TMEM233: variants seen among roughly 807,000 people sequenced by gnomAD.
TMEM233 encodes dispanin subfamily B member 2.
In TMEM233, 6 loss-of-function variants were observed where a neutral mutation model predicts 11.2. The observed-to-expected ratio is 0.54, with a 90% CI of 0.29 to 1.06. The LOEUF (loss-of-function observed/expected upper bound fraction) is 1.06. Among genes scored for constraint, TMEM233 ranks in the 50% least tolerant of loss-of-function variants. The probability of loss-of-function intolerance (pLI) is 0.08; values close to 1 mark genes in which losing one functional copy is unlikely to be tolerated. For synonymous variants in TMEM233, 59 were observed against 55.8 expected (o/e 1.06, Z -0.26); for missense variants, 127 against 144.7 (o/e 0.88, Z 0.63).
intron 1 of TMEM233, among the ~76,000 whole-genome samples, chr12:119,613,305 T>C (rs1373082685): frequency 6.6e-6 from 1 of 151,960 alleles, no homozygotes; most frequent in Non-Finnish European, 1.5e-5. Context: ...ATTAAGGGAA[T>C]GCTAGGTGTC....
intron 2 of TMEM233, among the ~76,000 whole-genome samples, chr12:119,636,761 T>A (rs1954975675): frequency 6.6e-6 from 1 of 152,218 alleles, no homozygotes; most frequent in Non-Finnish European, 1.5e-5. Flanking sequence ...AAATATGACA[T>A]TCCCGGATGA....
chr12:119,612,676 G>A (rs571259567), intron 1 of TMEM233, among the ~76,000 whole-genome samples: 12 of 150,600 alleles, frequency 8.0e-5, no homozygotes, highest in African/African-American at 1.7e-4. Context: ...GGCATGAACC[G>A]GGAGGCGGAG....
chr12:119,624,945 A>AT (rs200000466), intron 1 of TMEM233, among the ~76,000 whole-genome samples: 441 of 150,052 alleles, frequency 2.9e-3, no homozygotes, highest in South Asian at 4.6e-3. Context: ...GGTTCTCTGT[A>AT]TTTTTTTTTT....
chr12:119,611,735 T>C (rs557570210), intron 1 of TMEM233, among the ~76,000 whole-genome samples: 1 of 152,252 alleles, frequency 6.6e-6, no homozygotes, highest in African/African-American at 2.4e-5. Flanking sequence ...ATCTTCTCCT[T>C]TGGCTCCCAA....
intron 1 of TMEM233, among the ~76,000 whole-genome samples, chr12:119,609,884 A>C (rs890555351): frequency 3.3e-5 from 5 of 152,222 alleles, no homozygotes; most frequent in Non-Finnish European, 5.9e-5. Context: ...AGAGCCCCCC[A>C]CAGAGTCCCC....
In TMEM233 at chr12:119,595,599, G is replaced by A. The variant is rs556716980; in HGVS notation, c.186+1565G>A. Among the ~76,000 whole-genome samples, 9 of 152,304 alleles carry A rather than the reference G, an allele frequency of 5.9e-5. No homozygotes were observed. The highest frequency in any genetic ancestry group is 5.9e-4 in the Admixed American group (9 of 15,302). On this transcript the variant is annotated intron_variant, in intron 1 of 2. Coordinates refer to ENST00000426426, the MANE Select transcript of TMEM233 (RefSeq NM_001136534.3). This position sits in a 1 kb window ranked among gnomAD's most constrained non-coding sequence, Gnocchi z 4.3. Reference sequence around the variant, plus strand: ...TGCATCTCTGAACCTCAGTCTCTTTGTAAAACCAGAATAATCATAGCCATG... The same window carrying A: ...TGCATCTCTGAACCTCAGTCTCTTTATAAAACCAGAATAATCATAGCCATG...
At chr12:119,649,461 T>C in the TMEM233 span, among the ~76,000 whole-genome samples, 7 of 152,160 alleles carry the variant, frequency 4.6e-5, no homozygotes, top group Non-Finnish European at 8.8e-5. Flanking sequence ...TTGACAAATA[T>C]CGTATTTCTT....
At chr12:119,614,157 G>A (rs879114474) in intron 1 of TMEM233, among the ~76,000 whole-genome samples, 2 of 151,990 alleles carry the variant, frequency 1.3e-5, no homozygotes, top group Admixed American at 1.3e-4. Flanking sequence ...TCCCAGCAGG[G>A]AGTACTTTGG....
At chr12:119,637,581 A>G (rs933953599) in intron 2 of TMEM233, among the ~76,000 whole-genome samples, 1 of 152,120 alleles carries the variant, frequency 6.6e-6, no homozygotes, top group Non-Finnish European at 1.5e-5. Flanking sequence ...TCTTTTCTAT[A>G]TTTTTGGCTG....
Position 119,640,856 on chromosome 12 carries a change from GAAAAAAA to G in TMEM233, c.*162_*168del, listed in dbSNP as rs56347532. ...AGGCAGGTCCCTGGCAAATGAACAA[GAAAAAAA>G]AAAAAAAAAAGTCCAAAATTTAGGC... is the stretch of plus-strand genomic sequence containing the variant. On this transcript the variant is annotated 3_prime_UTR_variant, in exon 3 of 3. Coordinates refer to ENST00000426426, the MANE Select transcript of TMEM233 (RefSeq NM_001136534.3). 1 of 392,886 alleles carries G rather than the reference GAAAAAAA, an allele frequency of 2.5e-6. No homozygotes were observed. The highest frequency in any genetic ancestry group is 6.2e-5 in the Admixed American group (1 of 16,118). 24.3% of individuals were successfully genotyped at this position (392,886 alleles called of 1,614,324 possible).
In TMEM233 at chr12:119,625,432, C is replaced by T. The variant is rs1485138327; in HGVS notation, c.187-4304C>T. 2.7e-5 allele frequency among the ~76,000 whole-genome samples: 4 copies of T among 149,722 alleles called. No homozygotes were observed. The Admixed American group carries it at 2.7e-4, about 10-fold the overall frequency. On this transcript the variant is annotated intron_variant, in intron 1 of 2. Coordinates refer to ENST00000426426, the MANE Select transcript of TMEM233 (RefSeq NM_001136534.3). ...TCATCCAGGCTGGAGTGCAGTGGCA[C>T]GATCATAGCTCACTGCAGCCTCAAA... is the stretch of plus-strand genomic sequence containing the variant.
In TMEM233 at chr12:119,594,845, C is replaced by T. The variant is rs1409253038; in HGVS notation, c.186+811C>T. Among the ~76,000 whole-genome samples the T allele has an allele frequency of 2.6e-5, 4 of 152,138 alleles. No individual in the cohort carries two copies. The highest frequency in any genetic ancestry group is 6.5e-5 in the Admixed American group (1 of 15,284). On this transcript the variant is annotated intron_variant, in intron 1 of 2. Coordinates refer to ENST00000426426, the MANE Select transcript of TMEM233 (RefSeq NM_001136534.3). The surrounding 1 kb of genome is among the most constrained non-coding windows in gnomAD (Gnocchi z 5.6). Reference sequence around the variant, plus strand: ...CCTCTCTTACTCTTTCTACCCAGCGCGTCGTAGTTCCTCCCCGTTTGCTGC... The same window carrying T: ...CCTCTCTTACTCTTTCTACCCAGCGTGTCGTAGTTCCTCCCCGTTTGCTGC...
downstream of TMEM233, among the ~76,000 whole-genome samples, chr12:119,647,776 C>G (rs1374173990): frequency 6.8e-6 from 1 of 147,278 alleles, no homozygotes. Context: ...CTCCCTTTGC[C>G]CCCCACCCCC....
intron 1 of TMEM233, among the ~76,000 whole-genome samples, chr12:119,606,748 A>T (rs1189255683): frequency 6.6e-6 from 1 of 152,250 alleles, no homozygotes. Flanking sequence ...TCATGACATA[A>T]ATTATAAAAT....
At chr12:119,627,219 G>A (rs2136763821) in intron 1 of TMEM233, among the ~76,000 whole-genome samples, 1 of 152,342 alleles carries the variant, frequency 6.6e-6, no homozygotes, top group South Asian at 2.1e-4. Context: ...TGCAGGAGTG[G>A]GCGAACTTCT....
chr12:119,653,198 C>A, the TMEM233 span, among the ~76,000 whole-genome samples: 1 of 151,934 alleles, frequency 6.6e-6, no homozygotes, highest in Non-Finnish European at 1.5e-5. Context: ...TGGAGACCAT[C>A]TGGCTAACAC....
chr12:119,647,024 A>G (rs1955161855), downstream of TMEM233, among the ~76,000 whole-genome samples: 2 of 152,122 alleles, frequency 1.3e-5, no homozygotes, highest in South Asian at 4.1e-4. Flanking sequence ...AACCCAACCC[A>G]CACACCCAGT....
chr12:119,594,072 G>A lies in TMEM233; in HGVS notation c.186+38G>A. 1 of 1,545,194 alleles carries A rather than the reference G, an allele frequency of 6.5e-7. No homozygotes were observed. The highest frequency in any genetic ancestry group is 8.7e-7 in the Non-Finnish European group (1 of 1,143,164). On this transcript the variant is annotated intron_variant, in intron 1 of 2. Coordinates refer to ENST00000426426, the MANE Select transcript of TMEM233 (RefSeq NM_001136534.3). This position sits in a 1 kb window ranked among gnomAD's most constrained non-coding sequence, Gnocchi z 5.6. ...CGGCCAGAGGCAGCCTGGGAGGAGA[G>A]ACCCGGGCGGCTTTGAGCCCCTGCA...
rs571240856 is a variant in TMEM233, at chr12:119,642,035, T to A, written c.*1330T>A. ...ATGTGACATATTGTTTCTGTTCAAA[T>A]AAATTAAGAAAAACAAGAGAACTCA... On this transcript the variant is annotated 3_prime_UTR_variant, in exon 3 of 3. Transcript: ENST00000426426. The A allele has an allele frequency of 6.6e-6, 1 of 152,280 alleles. No individual in the cohort carries two copies. The highest frequency in any genetic ancestry group is 1.9e-4 in the East Asian group (1 of 5,188). 9.4% of individuals were successfully genotyped at this position (152,280 alleles called of 1,614,324 possible).
Sources: allele counts gnomAD v4.1 joint callset (sites outside exome capture counted in the v4.1 genomes callset), GRCh38; gene constraint gnomAD v4.1.1; non-coding constraint Gnocchi (gnomAD v3.1); transcripts MANE v1.5; gene names NCBI Gene and HGNC (gene_info 2026-07-23, HGNC 2026-07-21).